The following ANKRD36 variants were observed in gnomAD, a reference collection of about 807,000 sequenced individuals.
ANKRD36 encodes ankyrin repeat domain-containing protein 36A.
A neutral mutation model predicts 278.1 loss-of-function variants in ANKRD36; 179 were observed. The observed-to-expected ratio is 0.64, with a 90% CI of 0.57 to 0.73. ANKRD36 has a LOEUF of 0.73. Ranked by LOEUF, ANKRD36 falls within the 30% of genes least tolerant of loss-of-function variation. The pLI is 0.00. For synonymous variants in ANKRD36, 320 were observed against 641.1 expected, an observed-to-expected ratio of 0.50 and a Z score of 7.57; for missense variants, 1,159 against 1,956.7, an observed-to-expected ratio of 0.59 and a Z score of 7.69.
intron 22 of ANKRD36, among the ~76,000 whole-genome samples, chr2:97,170,953 CTCA>C (rs2052302032): frequency 6.6e-6 from 1 of 150,934 alleles, no homozygotes; most frequent in South Asian, 2.1e-4. Flanking sequence ...TGAAAAAATG[CTCA>C]TCATCACTGG....
chr2:97,171,696 T>A, intron 22 of ANKRD36, among the ~76,000 whole-genome samples: 1 of 128,186 alleles, frequency 7.8e-6, no homozygotes. Context: ...AAACTTAAAG[T>A]ATAATTAAAA....
At chr2:97,216,722 A>G (rs2066023056) in intron 62 of ANKRD36, 5 of 351,752 alleles carry the variant, frequency 1.4e-5, no homozygotes, top group Admixed American at 8.9e-5. Context: ...GTAATTGTGT[A>G]CCTTCTCAGT....
intron 1 of ANKRD36, among the ~76,000 whole-genome samples, chr2:97,117,843 C>T (rs890379720): frequency 2.6e-5 from 4 of 151,894 alleles, no homozygotes; most frequent in African/African-American, 9.7e-5. Context: ...AGCTAAGTGA[C>T]AGAGCTTACA....
chr2:97,207,516 C>T (rs1232562336), intron 52 of ANKRD36, among the ~76,000 whole-genome samples: 3 of 151,322 alleles, frequency 2.0e-5, no homozygotes, highest in African/African-American at 7.3e-5. Context: ...TTTTAGATCA[C>T]TTTGTCCTCA....
rs776376434 is a variant in ANKRD36 at position 97,118,494 on chromosome 2, A to G, written c.463A>G (p.Thr155Ala). ...SMIEKLLSHG[T>A]NIEECSKCEY... ...GATAGAAAAACTTCTTTCACATGGT[A>G]CAAATATTGAAGAATGCAGCAAGGT... Residue 155 changes from threonine to alanine, a missense_variant, in exon 3 of 76, where the codon ACA (threonine) becomes GCA (alanine). Coordinates refer to ENST00000420699, the MANE Select transcript of ANKRD36 (RefSeq NM_001354587.1). 8.7e-5 allele frequency: 138 copies of G among 1,594,982 alleles called. No individual in the cohort carries two copies. Among genetic ancestry groups the G allele is most frequent in the African/African-American group, 1.2e-4 (9 of 74,180 alleles).
chr2:97,199,469 A>G (rs2060695851), intron 44 of ANKRD36, among the ~76,000 whole-genome samples: 1 of 151,898 alleles, frequency 6.6e-6, no homozygotes, highest in African/African-American at 2.4e-5. Flanking sequence ...ATAACACGAT[A>G]CTCCCAACAA....
rs1196666356 is a variant in ANKRD36, at chr2:97,230,458, G to A, written c.3952-3272G>A. Reference sequence around the variant, plus strand: ...CTCCTGAGGCTTCTGCACTCTTCACGTAGTTCTCGAGCCTCGGCTTTCAGC... The same window carrying A: ...CTCCTGAGGCTTCTGCACTCTTCACATAGTTCTCGAGCCTCGGCTTTCAGC... On this transcript the variant is annotated intron_variant, in intron 67 of 75. Transcript: ENST00000420699. 2.0e-5 allele frequency among the ~76,000 whole-genome samples: 3 copies of A among 152,152 alleles called. No homozygotes were observed. In the South Asian group the frequency reaches 6.3e-4, roughly 32 times the overall value.
rs1423026243 is a variant in ANKRD36 at position 97,213,765 on chromosome 2, G to A, written c.3571+151G>A. On this transcript the variant is annotated intron_variant, in intron 60 of 75. Transcript: ENST00000420699. Reference sequence around the variant, plus strand: ...CATTTTTAATAAGTTCTTGGGTGACGCTGATGCTGCTGGTCTTGGACATGA... The same window carrying A: ...CATTTTTAATAAGTTCTTGGGTGACACTGATGCTGCTGGTCTTGGACATGA... Among the ~76,000 whole-genome samples the A allele has an allele frequency of 1.8e-4, 27 of 151,604 alleles. No homozygotes were observed. The East Asian group carries it at 3.4e-3, about 19-fold the overall frequency.
chr2:97,144,461 A>G (rs1212760620), intron 8 of ANKRD36, 57 bp from the exon 9 acceptor site: 7 of 1,591,714 alleles, frequency 4.4e-6, no homozygotes, highest in Non-Finnish European at 6.0e-6. Context: ...GCATGAAAGT[A>G]TGGATAACTT....
chr2:97,159,187 A>C (rs1162770770), intron 17 of ANKRD36, among the ~76,000 whole-genome samples: 1 of 152,062 alleles, frequency 6.6e-6, no homozygotes, highest in African/African-American at 2.4e-5. Context: ...TAATTGAAAA[A>C]TTCTCAGATT....
intron 44 of ANKRD36, among the ~76,000 whole-genome samples, chr2:97,199,848 C>T (rs1285722973): frequency 6.6e-6 from 1 of 151,870 alleles, no homozygotes; most frequent in Non-Finnish European, 1.5e-5. Context: ...GTGAAGTGTA[C>T]GTTCAACTGG....
At chr2:97,144,789 G>A in intron 10 of ANKRD36, 77 bp downstream of exon 10, 3 of 1,498,190 alleles carry the variant, frequency 2.0e-6, no homozygotes, top group South Asian at 2.5e-5. Context: ...ATCAGCAGGG[G>A]GCTCATTGAA....
At chr2:97,189,541 T>C (rs562502997) in intron 34 of ANKRD36, among the ~76,000 whole-genome samples, 2 of 87,100 alleles carry the variant, frequency 2.3e-5, no homozygotes, top group East Asian at 4.5e-4. Context: ...TGGAGAGAGG[T>C]TCAAGACATA....
At position 97,177,783 on chromosome 2, in the gene ANKRD36, T is replaced by C. The variant is rs368401987; in HGVS notation, c.1634-1955T>C. On this transcript the variant is annotated intron_variant, in intron 22 of 75. Coordinates refer to ENST00000420699, the MANE Select transcript of ANKRD36 (RefSeq NM_001354587.1). ...TAGGCATGGGCAAGGACTTCATGTC[T>C]AAAACACCAAAAGCAATGGCAACAA... is the stretch of plus-strand genomic sequence containing the variant. Among the ~76,000 whole-genome samples, 117 of 151,920 alleles carry C rather than the reference T, an allele frequency of 7.7e-4. 2 individuals are homozygous for C. The East Asian group carries it at 0.02, about 26-fold the overall frequency.
At position 97,159,418 on chromosome 2, in the gene ANKRD36, G is replaced by A. The variant is rs976731912; in HGVS notation, c.1389+763G>A. Among the ~76,000 whole-genome samples, 16 of 151,842 alleles carry A rather than the reference G, an allele frequency of 1.1e-4. 1 individual carries two copies. Among genetic ancestry groups the A allele is most frequent in the Non-Finnish European group, 1.6e-4 (11 of 67,970 alleles). On this transcript the variant is annotated intron_variant, in intron 17 of 75. Coordinates refer to ENST00000420699, the MANE Select transcript of ANKRD36 (RefSeq NM_001354587.1). ...CATCACACGTACACTGAAAATATATGCATCTATTTATTAATTTAAAAATTC... is the reference window on the plus strand; with the variant it reads ...CATCACACGTACACTGAAAATATATACATCTATTTATTAATTTAAAAATTC...
chr2:97,189,879 A>G (rs1488878691), intron 34 of ANKRD36, among the ~76,000 whole-genome samples: 2 of 85,026 alleles, frequency 2.4e-5, no homozygotes, highest in African/African-American at 5.4e-5. Context: ...AAAATATTTG[A>G]TTTTGGCAGC....
intron 46 of ANKRD36, 92 bp from the exon 47 acceptor site, chr2:97,202,110 G>T: frequency 2.5e-6 from 4 of 1,585,102 alleles, no homozygotes; most frequent in Non-Finnish European, 3.4e-6. Flanking sequence ...ATACAGGCAG[G>T]AGGACAGAGG....
At chr2:97,194,188 A>G (rs2059162293) in intron 38 of ANKRD36, among the ~76,000 whole-genome samples, 1 of 151,634 alleles carries the variant, frequency 6.6e-6, no homozygotes, top group Non-Finnish European at 1.5e-5. Flanking sequence ...CAGCAAACAG[A>G]TATCCAAGGT....
intron 48 of ANKRD36, among the ~76,000 whole-genome samples, chr2:97,202,950 A>C (rs1459789991): frequency 6.6e-6 from 1 of 151,762 alleles, no homozygotes; most frequent in African/African-American, 2.4e-5. Flanking sequence ...CATTTGGAAT[A>C]TTTTAATAAA....
Sources: gnomAD v4.1 joint callset for allele counts (sites outside exome capture counted in the v4.1 genomes callset) on GRCh38, gnomAD v4.1.1 for gene constraint, MANE v1.5 for transcripts, NCBI Gene and HGNC (gene_info 2026-07-23, HGNC 2026-07-21) for gene names.